TRABD2B: variants seen among roughly 807,000 people sequenced by gnomAD.
TRABD2B encodes metalloprotease TIKI2.
In TRABD2B, 14 loss-of-function variants were observed where a neutral mutation model predicts 40.1. The ratio of observed to expected loss-of-function variants is 0.35; its 90% CI spans 0.23 to 0.55. The LOEUF (loss-of-function observed/expected upper bound fraction) is 0.55, where lower values mean the gene tolerates loss of function less well. TRABD2B is among the 20% of genes least tolerant of loss of function. TRABD2B has a pLI of 0.90. For synonymous variants in TRABD2B, 263 were observed against 277.0 expected (o/e 0.95, Z 0.50); for missense variants, 541 against 648.6 (o/e 0.83, Z 1.80).
At chr1:47,973,895 G>T (rs947363843) in intron 2 of TRABD2B, among the ~76,000 whole-genome samples, 1 of 152,134 alleles carries the variant, frequency 6.6e-6, no homozygotes, top group Non-Finnish European at 1.5e-5. Context: ...CTTGAGCTCC[G>T]GAGTTCGAGA....
intron 2 of TRABD2B, among the ~76,000 whole-genome samples, chr1:47,844,739 C>A (rs568507901): frequency 6.6e-6 from 1 of 152,202 alleles, no homozygotes; most frequent in African/African-American, 2.4e-5. Context: ...TTTCAACAGA[C>A]AGGATTCATG....
chr1:47,848,300 T>C (rs1418920873), intron 2 of TRABD2B, among the ~76,000 whole-genome samples: 1 of 152,166 alleles, frequency 6.6e-6, no homozygotes, highest in Non-Finnish European at 1.5e-5. Flanking sequence ...CATTCTACCA[T>C]CTACATTCCT....
At chr1:47,904,710 G>A (rs1434855187) in intron 2 of TRABD2B, among the ~76,000 whole-genome samples, 1 of 152,138 alleles carries the variant, frequency 6.6e-6, no homozygotes, top group African/African-American at 2.4e-5. Context: ...GGAAGGTCCT[G>A]GAAAGCCATG....
At chr1:47,782,909 C>T (rs149792268) in intron 4 of TRABD2B, among the ~76,000 whole-genome samples, 138 of 152,354 alleles carry the variant, frequency 9.1e-4, no homozygotes, top group African/African-American at 3.2e-3. Flanking sequence ...CTCCTGGCCA[C>T]GGCTCAGCAG....
At chr1:47,917,204 G>A (rs958859639) in intron 2 of TRABD2B, among the ~76,000 whole-genome samples, 4 of 152,174 alleles carry the variant, frequency 2.6e-5, no homozygotes, top group Non-Finnish European at 5.9e-5. Context: ...CCCTGGGCAG[G>A]CAGTCCAGAT....
At chr1:47,965,458 G>A (rs1401524678) in intron 2 of TRABD2B, among the ~76,000 whole-genome samples, 1 of 151,908 alleles carries the variant, frequency 6.6e-6, no homozygotes, top group African/African-American at 2.4e-5. Context: ...CCCAGGCAGA[G>A]GGAGGGCAAA....
chr1:47,974,066 A>C (rs563391456), intron 2 of TRABD2B, among the ~76,000 whole-genome samples: 7 of 152,242 alleles, frequency 4.6e-5, no homozygotes, highest in Admixed American at 3.9e-4. Context: ...ATCACACCAC[A>C]CCACTGCACT....
chr1:47,794,838 G>A, intron 3 of TRABD2B, 78 bp from the exon 4 acceptor site: 1 of 1,364,610 alleles, frequency 7.3e-7, no homozygotes, highest in Non-Finnish European at 9.6e-7. Flanking sequence ...TGTCACCCAG[G>A]TTGGAGTGCA....
intron 2 of TRABD2B, among the ~76,000 whole-genome samples, chr1:47,973,781 A>G (rs1400406603): frequency 6.6e-6 from 1 of 152,200 alleles, no homozygotes; most frequent in East Asian, 1.9e-4. Context: ...TCCATTTTGC[A>G]TACCACAGGC....
intron 2 of TRABD2B, among the ~76,000 whole-genome samples, chr1:47,931,790 G>A (rs1570313097): frequency 6.6e-6 from 1 of 152,098 alleles, no homozygotes; most frequent in Admixed American, 6.6e-5. Flanking sequence ...CTGATCCCAT[G>A]GATCAAGAGC....
chr1:47,899,424 T>C (rs1644568290), intron 2 of TRABD2B, among the ~76,000 whole-genome samples: 2 of 152,228 alleles, frequency 1.3e-5, no homozygotes, highest in African/African-American at 4.8e-5. Flanking sequence ...CTTCTGGTGC[T>C]TTGGTCCCCT....
chr1:47,980,603 C>T (rs150263137), intron 2 of TRABD2B, among the ~76,000 whole-genome samples: 125 of 152,304 alleles, frequency 8.2e-4, no homozygotes, highest in African/African-American at 2.8e-3. Context: ...GGTGGCCCTC[C>T]ATCACATTTC....
At chr1:47,915,367 C>T (rs551207633) in intron 2 of TRABD2B, among the ~76,000 whole-genome samples, 4 of 152,230 alleles carry the variant, frequency 2.6e-5, no homozygotes, top group East Asian at 3.9e-4. Flanking sequence ...AGTCTTTCAG[C>T]GATGGATTTC....
At chr1:47,883,182 G>A (rs192013890) in intron 2 of TRABD2B, among the ~76,000 whole-genome samples, 30 of 152,222 alleles carry the variant, frequency 2.0e-4, no homozygotes, top group Admixed American at 7.8e-4. Flanking sequence ...GCCAGGAAAC[G>A]GAGGTTCAGA....
At chr1:47,852,168 C>T (rs779230630) in intron 2 of TRABD2B, among the ~76,000 whole-genome samples, 62 of 152,300 alleles carry the variant, frequency 4.1e-4, no homozygotes, top group Middle Eastern at 6.8e-3. Flanking sequence ...ACTAGGCTCC[C>T]GAGAAACCTC....
At chr1:47,911,704 C>CTCTATCCCTGTGTTGTCTCT (rs1553164535) in intron 2 of TRABD2B, among the ~76,000 whole-genome samples, 2 of 152,258 alleles carry the variant, frequency 1.3e-5, no homozygotes, top group African/African-American at 4.8e-5. Flanking sequence ...CCCTCGTCTC[C>CTCTATCCCTGTGTTGTCTCT]TCTATCCCTG....
At chr1:47,988,305 T>C (rs1401860346) in intron 2 of TRABD2B, among the ~76,000 whole-genome samples, 2 of 152,164 alleles carry the variant, frequency 1.3e-5, no homozygotes, top group Non-Finnish European at 2.9e-5. Context: ...GTTTCCATGC[T>C]GCAAACAGGA....
intron 2 of TRABD2B, among the ~76,000 whole-genome samples, chr1:47,931,027 C>G (rs1017912608): frequency 1.3e-5 from 2 of 152,194 alleles, no homozygotes; most frequent in Non-Finnish European, 2.9e-5. Flanking sequence ...GTGTCATTCA[C>G]CAGAATATGG....
At chr1:47,987,998 G>A (rs1220819914) in intron 2 of TRABD2B, among the ~76,000 whole-genome samples, 1 of 152,144 alleles carries the variant, frequency 6.6e-6, no homozygotes, top group East Asian at 1.9e-4. Context: ...CACGGTCTGA[G>A]GTCCTCCAGG....
Sources: gnomAD v4.1 joint callset for allele counts (sites outside exome capture counted in the v4.1 genomes callset) on GRCh38, gnomAD v4.1.1 for gene constraint, MANE v1.5 for transcripts, NCBI Gene and HGNC (gene_info 2026-07-23, HGNC 2026-07-21) for gene names.